The following HHAT variants were observed in gnomAD, a reference collection of about 807,000 sequenced individuals.
HHAT encodes protein-cysteine N-palmitoyltransferase HHAT.
A neutral mutation model predicts 70.8 loss-of-function variants in HHAT; 47 were observed. That is an observed-to-expected ratio of 0.66 (90% CI 0.53 to 0.85). HHAT has a LOEUF of 0.85. Among genes scored for constraint, HHAT ranks in the 40% least tolerant of loss-of-function variants. The pLI is 0.00. For synonymous variants in HHAT, 228 were observed against 247.6 expected (o/e 0.92, Z 0.74); for missense variants, 609 against 604.8 (o/e 1.01, Z -0.07).
At chr1:210,513,455 G>A (rs2094996624) in intron 9 of HHAT, among the ~76,000 whole-genome samples, 2 of 152,140 alleles carry the variant, frequency 1.3e-5, no homozygotes, top group Non-Finnish European at 1.5e-5. Context: ...TAGGCTGCTG[G>A]GAAAACTAAT....
chr1:210,408,680 G>A (rs1297752797), intron 6 of HHAT, among the ~76,000 whole-genome samples: 1 of 152,202 alleles, frequency 6.6e-6, no homozygotes, highest in Admixed American at 6.5e-5. Context: ...GGCAGCTGCT[G>A]CAGGAAAGGG....
Position 210,440,364 on chromosome 1 carries a change from C to A in HHAT, c.856+22039C>A, listed in dbSNP as rs138580023. Among the ~76,000 whole-genome samples, 24 of 151,688 alleles carry A rather than the reference C, an allele frequency of 1.6e-4. No individual in the cohort carries two copies. The East Asian group carries it at 4.7e-3, about 29-fold the overall frequency. The stretch of plus-strand genomic sequence containing the variant: ...GCTCCAGTCGATTCTGTAGGGAGTT[C>A]TGCAGGTTGGGTAATTCTTTGGAGT... On this transcript the variant is annotated intron_variant, in intron 7 of 11. Transcript: ENST00000261458.
intron 6 of HHAT, among the ~76,000 whole-genome samples, chr1:210,406,132 G>T (rs1339783908): frequency 6.6e-6 from 1 of 151,996 alleles, no homozygotes; most frequent in African/African-American, 2.4e-5. Flanking sequence ...GCATAGGGTG[G>T]GTTCCTCTCT....
At chr1:210,610,817 C>T (rs1036436784) in intron 10 of HHAT, among the ~76,000 whole-genome samples, 6 of 151,820 alleles carry the variant, frequency 4.0e-5, no homozygotes, top group African/African-American at 1.5e-4. Context: ...GGAGATCAGA[C>T]GATTATAGGT....
At chr1:210,512,291 G>T (rs2094968426) in intron 8 of HHAT, among the ~76,000 whole-genome samples, 2 of 152,026 alleles carry the variant, frequency 1.3e-5, no homozygotes, top group South Asian at 4.1e-4. Context: ...GAAGGCCAAG[G>T]TTGACCCTCC....
intron 7 of HHAT, among the ~76,000 whole-genome samples, chr1:210,419,428 T>C (rs2148278383): frequency 6.6e-6 from 1 of 152,258 alleles, no homozygotes; most frequent in East Asian, 1.9e-4. Context: ...GCCCACGCCC[T>C]TTTCTGAATA....
intron 11 of HHAT, among the ~76,000 whole-genome samples, chr1:210,658,468 A>G (rs1676932162): frequency 6.6e-6 from 1 of 152,176 alleles, no homozygotes; most frequent in Non-Finnish European, 1.5e-5. Flanking sequence ...CTGCCACTCC[A>G]TATTTGTATA....
chr1:210,674,066 G>A (rs1333200472), intron 11 of HHAT, among the ~76,000 whole-genome samples: 1 of 150,780 alleles, frequency 6.6e-6, no homozygotes, highest in Non-Finnish European at 1.5e-5. Flanking sequence ...CCACTAACTC[G>A]TCATAAACAT....
Position 210,379,831 on chromosome 1 carries a change from T to C in HHAT, c.160-7637T>C, listed in dbSNP as rs140727397. Among the ~76,000 whole-genome samples the C allele has an allele frequency of 1.6e-3, 242 of 152,314 alleles. 3 individuals carry two copies. Among genetic ancestry groups the C allele is most frequent in the African/African-American group, 5.4e-3 (224 of 41,566 alleles). ...TTAGTTTATGTGTTTCTTATAAATA[T>C]GAAATGGGTCCTCTATTGTAATACT... is the stretch of plus-strand genomic sequence containing the variant. On this transcript the variant is annotated intron_variant, in intron 3 of 11. Coordinates refer to ENST00000261458, the MANE Select transcript of HHAT (RefSeq NM_018194.6).
intron 9 of HHAT, among the ~76,000 whole-genome samples, chr1:210,579,140 A>T (rs557003405): frequency 6.6e-6 from 1 of 152,214 alleles, no homozygotes; most frequent in Non-Finnish European, 1.5e-5. Context: ...GACACGGGAG[A>T]TGGAGGGTGG....
chr1:210,426,210 C>T (rs1391782477), intron 7 of HHAT, among the ~76,000 whole-genome samples: 1 of 152,166 alleles, frequency 6.6e-6, no homozygotes, highest in African/African-American at 2.4e-5. Context: ...TGAGACTTTG[C>T]TGAAGTTGTT....
At chr1:210,346,759 G>A (rs1331069643) in intron 1 of HHAT, among the ~76,000 whole-genome samples, 1 of 152,218 alleles carries the variant, frequency 6.6e-6, no homozygotes, top group Non-Finnish European at 1.5e-5. Flanking sequence ...GAGTTTGTGT[G>A]TGCGGCAGAT....
chr1:210,426,720 A>G (rs2093073587), intron 7 of HHAT, among the ~76,000 whole-genome samples: 1 of 152,066 alleles, frequency 6.6e-6, no homozygotes, highest in Admixed American at 6.6e-5. Flanking sequence ...TAAGCTTTTT[A>G]GTGTGGTGGT....
At chr1:210,467,055 C>G (rs2094122573) in intron 8 of HHAT, among the ~76,000 whole-genome samples, 1 of 152,154 alleles carries the variant, frequency 6.6e-6, no homozygotes, top group South Asian at 2.1e-4. Flanking sequence ...CAAAGAGGGC[C>G]TTTCCTGGGA....
chr1:210,634,898 C>G (rs1205783529), intron 11 of HHAT, among the ~76,000 whole-genome samples: 1 of 152,140 alleles, frequency 6.6e-6, no homozygotes, highest in Non-Finnish European at 1.5e-5. Context: ...TTATCTGAGG[C>G]AGGAGAAAGA....
At chr1:210,665,709 C>T (rs1678748569) in intron 11 of HHAT, among the ~76,000 whole-genome samples, 1 of 152,220 alleles carries the variant, frequency 6.6e-6, no homozygotes, top group Admixed American at 6.5e-5. Flanking sequence ...CTGTTTTCCA[C>T]ATAGGACTCA....
intron 7 of HHAT, among the ~76,000 whole-genome samples, chr1:210,422,972 G>T (rs564274917): frequency 3.4e-4 from 52 of 152,236 alleles, no homozygotes; most frequent in Non-Finnish European, 6.3e-4. Flanking sequence ...TTTATCTGTT[G>T]TTGGACACCT....
At chr1:210,484,241 C>CT (rs780483925) in intron 8 of HHAT, among the ~76,000 whole-genome samples, 170 of 152,136 alleles carry the variant, frequency 1.1e-3, no homozygotes, top group Non-Finnish European at 2.0e-3. Flanking sequence ...TGTCCGTAGC[C>CT]TTTTTTTGTC....
At chr1:210,369,141 T>C (rs2089308855) in intron 3 of HHAT, among the ~76,000 whole-genome samples, 1 of 152,106 alleles carries the variant, frequency 6.6e-6, no homozygotes, top group African/African-American at 2.4e-5. Flanking sequence ...GAGGTAACGT[T>C]CTACAGAGAG....
Sources: allele counts gnomAD v4.1 joint callset (sites outside exome capture counted in the v4.1 genomes callset), GRCh38; gene constraint gnomAD v4.1.1; transcripts MANE v1.5; gene names NCBI Gene and HGNC (gene_info 2026-07-23, HGNC 2026-07-21).